The following LANCL3 variants were observed in gnomAD, a reference collection of about 807,000 sequenced individuals.
LANCL3 encodes the protein LanC like family member 3, also known as lanC-like protein 3.
In LANCL3, 19 loss-of-function variants were observed where a neutral mutation model predicts 26.5. That is an observed-to-expected ratio of 0.72 (90% confidence interval 0.50 to 1.05). LANCL3 has a LOEUF of 1.05. Ranked by LOEUF, LANCL3 falls within the 50% of genes least tolerant of loss-of-function variation. LANCL3 has a pLI of 0.00. For synonymous variants in LANCL3, 160 were observed against 166.6 expected (o/e 0.96, Z 0.30); for missense variants, 318 against 362.7 (o/e 0.88, Z 1.00).
At chrX:37,622,271 T>C (rs1925185452) in intron 1 of LANCL3, among the ~76,000 whole-genome samples, 1 of 111,694 alleles carries the variant, frequency 9.0e-6, no homozygotes, top group East Asian at 2.8e-4. Flanking sequence ...CCTATATATC[T>C]TGTGCAAGTC....
At chrX:37,585,827 G>A (rs1556417869) in intron 1 of LANCL3, among the ~76,000 whole-genome samples, 1 of 111,828 alleles carries the variant, frequency 8.9e-6, no homozygotes, top group Non-Finnish European at 1.9e-5. Context: ...GTGTGAATTT[G>A]ATCCTGTCAT....
chrX:37,661,332 A>T (rs782314103), intron 3 of LANCL3, among the ~76,000 whole-genome samples: 1 of 111,936 alleles, frequency 8.9e-6, no homozygotes, highest in South Asian at 3.8e-4. Context: ...GTCTTTGTAA[A>T]TCATTTACCG....
chrX:37,639,795 A>G (rs1925816138), intron 1 of LANCL3, among the ~76,000 whole-genome samples: 1 of 108,850 alleles, frequency 9.2e-6, no homozygotes, highest in African/African-American at 3.4e-5. Flanking sequence ...TACTTCCCCC[A>G]AAGTCTTGGT....
intron 1 of LANCL3, among the ~76,000 whole-genome samples, chrX:37,618,260 G>A (rs1164765607): frequency 8.9e-6 from 1 of 112,263 alleles, no homozygotes; most frequent in Non-Finnish European, 1.9e-5. Flanking sequence ...GCTTTTTGCA[G>A]ATACCACATG....
intron 4 of LANCL3, among the ~76,000 whole-genome samples, chrX:37,667,714 A>G (rs1556434564): frequency 9.0e-6 from 1 of 111,224 alleles, no homozygotes; most frequent in Non-Finnish European, 1.9e-5. Flanking sequence ...TTGAGTTGCT[A>G]TAAAGGAATA....
intron 1 of LANCL3, among the ~76,000 whole-genome samples, chrX:37,607,985 G>T (rs1004823152): frequency 4.5e-5 from 5 of 111,951 alleles, no homozygotes; most frequent in Non-Finnish European, 9.4e-5. Context: ...ACAAGACTGG[G>T]TTAGCCATTC....
At chrX:37,616,523 G>T (rs1260901535) in intron 1 of LANCL3, among the ~76,000 whole-genome samples, 2 of 111,976 alleles carry the variant, frequency 1.8e-5, no homozygotes, top group Admixed American at 1.9e-4. Context: ...GTACTAGCTT[G>T]TCTCATTTAT....
chrX:37,586,455 T>C (rs1349358354), intron 1 of LANCL3, among the ~76,000 whole-genome samples: 3 of 112,123 alleles, frequency 2.7e-5, no homozygotes, highest in African/African-American at 6.5e-5. Context: ...ACATTTGGTC[T>C]TTTCACATAG....
chrX:37,611,499 C>T (rs782612780), intron 1 of LANCL3, among the ~76,000 whole-genome samples: 1 of 111,691 alleles, frequency 9.0e-6, no homozygotes, highest in South Asian at 3.8e-4. Context: ...GGCCTGTGGT[C>T]CCCTTCTGGT....
At chrX:37,581,303 C>G (rs180801490) in intron 1 of LANCL3, among the ~76,000 whole-genome samples, 2 of 112,323 alleles carry the variant, frequency 1.8e-5, no homozygotes, top group East Asian at 5.6e-4. Flanking sequence ...GAAAGAATCA[C>G]TTCCTGCTGC....
chrX:37,622,107 C>T (rs1241369607), intron 1 of LANCL3, among the ~76,000 whole-genome samples: 1 of 111,566 alleles, frequency 9.0e-6, no homozygotes, highest in African/African-American at 3.3e-5. Flanking sequence ...TTCAACTTGA[C>T]ATTTCCCTGG....
At chrX:37,614,163 G>A (rs1354350158) in intron 1 of LANCL3, among the ~76,000 whole-genome samples, 3 of 111,350 alleles carry the variant, frequency 2.7e-5, no homozygotes, top group Non-Finnish European at 5.7e-5. Context: ...TTTGCTTTCT[G>A]CTAATTCCCT....
At chrX:37,573,019 AT>A (rs1923648480) in intron 1 of LANCL3, among the ~76,000 whole-genome samples, 1 of 112,102 alleles carries the variant, frequency 8.9e-6, no homozygotes, top group African/African-American at 3.3e-5. Flanking sequence ...AAATACATAA[AT>A]GTAGACGGAA....
At chrX:37,652,627 T>C (rs945006086) in intron 1 of LANCL3, among the ~76,000 whole-genome samples, 4 of 112,236 alleles carry the variant, frequency 3.6e-5, no homozygotes, top group African/African-American at 1.3e-4. Flanking sequence ...AGGGAATAAT[T>C]TGGGTTTGTT....
chrX:37,651,300 G>A (rs1208608059), intron 1 of LANCL3, among the ~76,000 whole-genome samples: 1 of 111,094 alleles, frequency 9.0e-6, no homozygotes, highest in African/African-American at 3.3e-5. Flanking sequence ...TTAAGGAATC[G>A]CCACACTGTC....
intron 2 of LANCL3, among the ~76,000 whole-genome samples, chrX:37,659,129 A>G (rs959888200): frequency 2.7e-5 from 3 of 113,059 alleles, no homozygotes; most frequent in Non-Finnish European, 5.6e-5. Context: ...GGCTAGAGAC[A>G]GTAAATATTT....
intron 1 of LANCL3, among the ~76,000 whole-genome samples, chrX:37,644,974 A>C (rs1222825839): frequency 1.8e-5 from 2 of 112,142 alleles, no homozygotes; most frequent in African/African-American, 6.5e-5. Flanking sequence ...TTTTCATAAG[A>C]GTCTCATTAT....
chrX:37,571,980 G>A lies in LANCL3; in HGVS notation c.110G>A (p.Arg37His). The A allele has an allele frequency of 8.4e-7, 1 of 1,195,905 alleles. No homozygotes were observed. Among genetic ancestry groups the A allele is most frequent in the Non-Finnish European group, 1.1e-6 (1 of 887,651 alleles). ...VAPLVTATIE[R>H]ILQELPPLGG... ...CCCTTGGTCACCGCCACCATCGAGC[G>A]CATCCTCCAGGAGCTTCCCCCACTC... The change falls in exon 1 of 5, where the codon CGC becomes CAC. Residue 37 changes from arginine to histidine, a missense_variant. Transcript: ENST00000378619.
At chrX:37,618,404 G>A (rs1307883181) in intron 1 of LANCL3, among the ~76,000 whole-genome samples, 1 of 111,831 alleles carries the variant, frequency 8.9e-6, no homozygotes, top group Non-Finnish European at 1.9e-5. Flanking sequence ...TTCACTTCCT[G>A]CCCTTACAAC....
Sources: gnomAD v4.1 joint callset for allele counts (sites outside exome capture counted in the v4.1 genomes callset) on GRCh38, gnomAD v4.1.1 for gene constraint, MANE v1.5 for transcripts, NCBI Gene and HGNC (gene_info 2026-07-23, HGNC 2026-07-21) for gene names.